The following GET4 variants were observed in gnomAD, a reference collection of about 807,000 sequenced individuals.
The protein encoded by GET4 is guided entry of tail-anchored proteins factor 4, also known as Golgi to ER traffic protein 4 homolog.
In GET4, 20 loss-of-function variants were observed where a neutral mutation model predicts 40.0. The observed-to-expected ratio is 0.50, with a 90% CI of 0.35 to 0.73. The LOEUF is 0.73. GET4 is among the 30% of genes least tolerant of loss of function. The pLI is 0.01. For missense variants in GET4, 557 were observed against 454.0 expected, an observed-to-expected ratio of 1.23 and a Z score of -2.06; for synonymous variants, 280 against 194.6, an observed-to-expected ratio of 1.44 and a Z score of -3.65.
At chr7:892,244 A>G (rs370369165) in intron 5 of GET4, 34 bp from the exon 6 acceptor site, 11 of 1,581,490 alleles carry the variant, frequency 7.0e-6, no homozygotes, top group Admixed American at 5.0e-5. Context: ...TGTGTCCTCC[A>G]GCCCTTCCAC....
At chr7:888,450 C>T (rs1455320684) in intron 4 of GET4, among the ~76,000 whole-genome samples, 1 of 152,222 alleles carries the variant, frequency 6.6e-6, no homozygotes, top group Non-Finnish European at 1.5e-5. Context: ...GCTCGGCGCC[C>T]TCAGGCACCT....
chr7:883,492 A>C, intron 1 of GET4: 1 of 985,034 alleles, frequency 1.0e-6, no homozygotes, highest in Non-Finnish European at 1.2e-6. Flanking sequence ...GTAAGAGAAG[A>C]GCAAAATCAG....
intron 1 of GET4, chr7:885,804 T>C: frequency 2.0e-6 from 1 of 507,266 alleles, no homozygotes; most frequent in East Asian, 3.4e-5. Context: ...AGGGTGAGGC[T>C]GCTTTCTGGC....
intron 6 of GET4, among the ~76,000 whole-genome samples, chr7:893,467 C>T (rs114950353): frequency 0.12 from 14,860 of 122,518 alleles, 884 homozygotes; most frequent in South Asian, 0.2. Flanking sequence ...TGGGCGCGGG[C>T]GCGGTGGTTT....
Position 895,381 on chromosome 7 carries a change from G to A in GET4, c.943G>A (p.Glu315Lys), listed in dbSNP as rs773327483. The change falls in exon 9 of 9, where the codon GAG (glutamate) becomes AAG (lysine). Residue 315 changes from glutamate (E) to lysine (K), a missense_variant. Physicochemically the swap from Glu to Lys is moderately conservative, Grantham distance 56. Coordinates refer to ENST00000265857, the MANE Select transcript of GET4 (RefSeq NM_015949.3). ...GGGCTCCTCAGAGCAGGAGGATGGG[G>A]AGGAGAGCCCCAGCGACGGCAGCCC... is the stretch of plus-strand genomic sequence containing the variant. ...LMGSSEQEDG[E>K]ESPSDGSPIE... The A allele has an allele frequency of 1.9e-6, 3 of 1,601,184 alleles. No individual in the cohort carries two copies. Among genetic ancestry groups the A allele is most frequent in the East Asian group, 4.5e-5 (2 of 44,632 alleles).
At position 893,885 on chromosome 7, in the gene GET4, C is replaced by T. The variant is rs1286029888; in HGVS notation, c.823-14C>T. ...GGGTCCACCCCCTCTGAGCCCGCTGCCTGTGCCTTGCAGTACCTCGACCGC... is the reference window on the plus strand; with the variant it reads ...GGGTCCACCCCCTCTGAGCCCGCTGTCTGTGCCTTGCAGTACCTCGACCGC... On this transcript the variant is annotated splice_polypyrimidine_tract_variant and intron_variant, in intron 7 of 8. Transcript: ENST00000265857. 3.7e-6 allele frequency: 6 copies of T among 1,612,170 alleles called. No individual in the cohort carries two copies. Among genetic ancestry groups the T allele is most frequent in the East Asian group, 4.5e-5 (2 of 44,872 alleles).
At position 891,026 on chromosome 7, in the gene GET4, C is replaced by G; in HGVS notation, c.565C>G (p.Arg189Gly). ...GGAGTATTCCACGTCCCGCGGCTTC[C>G]GCAGCGAGGTGGACATGTTCGTGGC... ...LVEYSTSRGFRSEVDMFVAQA... is the reference protein window; with the variant it reads ...LVEYSTSRGFGSEVDMFVAQA... Residue 189 changes from arginine to glycine, a missense_variant, in exon 5 of 9, where the codon CGC becomes GGC. Arg to Gly is a moderately radical substitution (Grantham distance 125). Coordinates refer to ENST00000265857, the MANE Select transcript of GET4 (RefSeq NM_015949.3). The G allele has an allele frequency of 6.2e-7, 1 of 1,610,302 alleles. No homozygotes were observed. The highest frequency in any genetic ancestry group is 1.1e-5 in the South Asian group (1 of 90,888).
intron 6 of GET4, among the ~76,000 whole-genome samples, chr7:893,296 G>A (rs1157568801): frequency 3.1e-5 from 4 of 129,470 alleles, no homozygotes; most frequent in Admixed American, 1.5e-4. Context: ...AGTGTTGGGC[G>A]CGGGCGCGGT....
chr7:890,610 T>A (rs151091770), intron 4 of GET4, among the ~76,000 whole-genome samples: 1 of 152,174 alleles, frequency 6.6e-6, no homozygotes, highest in East Asian at 1.9e-4. Flanking sequence ...TTCTGGTAGG[T>A]GAGAAGGGTC....
In GET4 at chr7:887,389, C is replaced by A; in HGVS notation, c.336C>A (p.Phe112Leu). The A allele has an allele frequency of 6.3e-7, 1 of 1,593,436 alleles. No homozygotes were observed. Among genetic ancestry groups the A allele is most frequent in the Non-Finnish European group, 8.6e-7 (1 of 1,167,214 alleles). The change falls in exon 4 of 9, where the codon TTC (phenylalanine) becomes TTA (leucine). Residue 112 changes from phenylalanine to leucine, a missense_variant. Transcript: ENST00000265857. ...DELLENLAKV[F>L]SLMDPNSPER... ...TTGCAGAAAATCTGGCTAAAGTGTT[C>A]AGCCTGATGGACCCCAACTCTCCTG...
At chr7:892,443 GA>G in intron 6 of GET4, 25 bp downstream of exon 6, 1 of 1,581,910 alleles carries the variant, frequency 6.3e-7, no homozygotes, top group East Asian at 2.3e-5. Flanking sequence ...CCTGCAGGGG[GA>G]GGGGGCTGTG....
At chr7:887,720 G>T (rs1419516373) in intron 4 of GET4, among the ~76,000 whole-genome samples, 1 of 152,206 alleles carries the variant, frequency 6.6e-6, no homozygotes, top group East Asian at 1.9e-4. Context: ...GCGAGAAGGG[G>T]GGCAGGCGGC....
chr7:878,379 G>A (rs1562891449), intron 1 of GET4: 1 of 470,856 alleles, frequency 2.1e-6, no homozygotes, highest in Admixed American at 2.3e-5. Context: ...TATGGTTCAG[G>A]TCAGGGAACA....
rs548997683 is a variant in GET4, at chr7:893,536, TGG to T, written c.747-203_747-202del. Among the ~76,000 whole-genome samples the T allele has an allele frequency of 1.8e-3, 219 of 120,586 alleles. 3 individuals are homozygous for T. Among genetic ancestry groups the T allele is most frequent in the African/African-American group, 6.6e-3 (205 of 30,954 alleles). The allele number at this position is 120,586 out of a possible 152,430, so 79.1% of individuals were successfully genotyped here. ...TGCAGGTGAGTGTTGGGTGTAGGCG[TGG>T]TGGTGTGTGCAGGTGAGTGTTGGGC... On this transcript the variant is annotated intron_variant, in intron 6 of 8. Transcript: ENST00000265857.
intron 2 of GET4, 74 bp from the exon 3 acceptor site, chr7:886,495 C>G: frequency 8.8e-7 from 1 of 1,134,726 alleles, no homozygotes; most frequent in Non-Finnish European, 1.3e-6. Context: ...CTGCTGGAAA[C>G]CCAGCCTTGT....
At chr7:893,480 GCA>G (rs1844387347) in intron 6 of GET4, among the ~76,000 whole-genome samples, 1 of 119,888 alleles carries the variant, frequency 8.3e-6, no homozygotes, top group Non-Finnish European at 1.9e-5. Flanking sequence ...GGTGGTTTGT[GCA>G]GGTGAGTGTT....
intron 8 of GET4, among the ~76,000 whole-genome samples, 185 bp from the exon 9 acceptor site, chr7:895,149 C>T (rs138097864): frequency 0.018 from 2,659 of 151,500 alleles, 41 homozygotes; most frequent in Non-Finnish European, 0.026. Flanking sequence ...TCTCTGTGGT[C>T]GTCGGCTCCC....
intron 1 of GET4, among the ~76,000 whole-genome samples, chr7:877,569 C>T (rs1843987920): frequency 2.3e-5 from 3 of 129,996 alleles, no homozygotes; most frequent in Admixed American, 1.6e-4. Context: ...GTCCTCGTCC[C>T]TTTCGGCTTC....
intron 8 of GET4, among the ~76,000 whole-genome samples, chr7:895,043 T>C (rs534160843): frequency 2.0e-5 from 3 of 151,158 alleles, no homozygotes; most frequent in Admixed American, 6.6e-5. Context: ...GTGTGGAGGG[T>C]GGTTCTGTAG....
Sources: allele counts gnomAD v4.1 joint callset (sites outside exome capture counted in the v4.1 genomes callset), GRCh38; gene constraint gnomAD v4.1.1; transcripts MANE v1.5; gene names NCBI Gene and HGNC (gene_info 2026-07-23, HGNC 2026-07-21).